Variants in REL observed in about 807,000 individuals in gnomAD.
REL encodes the protein proto-oncogene c-Rel.
In REL, 15 loss-of-function variants were observed where a neutral mutation model predicts 45.9. The ratio of observed to expected loss-of-function variants is 0.33; its 90% CI spans 0.22 to 0.50. The LOEUF (loss-of-function observed/expected upper bound fraction) is 0.50. Ranked by LOEUF, REL falls within the 20% of genes least tolerant of loss-of-function variation. The pLI, the probability that REL is intolerant of heterozygous loss-of-function variation, is 0.98. For missense variants in REL, 601 were observed against 715.2 expected, an observed-to-expected ratio of 0.84 and a Z score of 1.82; for synonymous variants, 239 against 242.1, an observed-to-expected ratio of 0.99 and a Z score of 0.12.
chr2:60,894,977 C>T (rs954360035), intron 3 of REL, among the ~76,000 whole-genome samples: 2 of 151,598 alleles, frequency 1.3e-5, no homozygotes, highest in South Asian at 2.1e-4. Context: ...CTGCCTCAGC[C>T]TCCCGAGTAG....
rs144119768 is a variant in REL at position 60,921,994 on chromosome 2, C to T, written c.1223C>T (p.Ser408Leu). The change falls in exon 10 of 10, where the codon TCG (serine) becomes TTG (leucine). Residue 408 changes from serine (S) to leucine (L), a missense_variant. This residue lies in a region of REL where 334 missense variants were observed against 333.1 expected (regional missense o/e 1.00). Coordinates refer to ENST00000394479, the MANE Select transcript of REL (RefSeq NM_001291746.2). ...SFSTRTLPSN[S>L]QGIPPFLRIP... ...TCAACAAGGACACTTCCTTCTAATT[C>T]GCAAGGTATCCCACCATTCCTGAGA... The T allele has an allele frequency of 1.1e-5, 18 of 1,614,184 alleles. No individual in the cohort carries two copies. The highest frequency in any genetic ancestry group is 3.3e-5 in the Admixed American group (2 of 60,016).
At chr2:60,884,546 G>T (rs1487224048) in intron 1 of REL, among the ~76,000 whole-genome samples, 1 of 151,992 alleles carries the variant, frequency 6.6e-6, no homozygotes, top group East Asian at 1.9e-4. Flanking sequence ...ATAGTAGGCA[G>T]TTGTTGCTTT....
intron 1 of REL, among the ~76,000 whole-genome samples, chr2:60,889,751 A>G (rs1006207410): frequency 3.3e-5 from 5 of 152,020 alleles, no homozygotes; most frequent in African/African-American, 1.2e-4. Context: ...TTCCAGCTTC[A>G]TCTATGTCCC....
chr2:60,910,076 T>G (rs186873935), intron 4 of REL, among the ~76,000 whole-genome samples: 32 of 152,294 alleles, frequency 2.1e-4, no homozygotes, highest in Non-Finnish European at 3.8e-4. Context: ...CATGATAATA[T>G]CTTCTTGGTT....
At chr2:60,911,270 T>C (rs1458631362) in intron 4 of REL, 2 of 152,196 alleles carry the variant, frequency 1.3e-5, no homozygotes, top group Non-Finnish European at 2.9e-5. Flanking sequence ...AAAAGATATA[T>C]AAATGGATTA....
intron 4 of REL, among the ~76,000 whole-genome samples, chr2:60,913,102 A>G (rs564619454): frequency 1.1e-4 from 17 of 152,262 alleles, no homozygotes; most frequent in African/African-American, 3.8e-4. Flanking sequence ...TCAATTTATT[A>G]TATTTTTCAG....
chr2:60,909,637 TCACGC>T (rs1411242868), intron 4 of REL, among the ~76,000 whole-genome samples: 1 of 152,194 alleles, frequency 6.6e-6, no homozygotes, highest in East Asian at 1.9e-4. Context: ...GCGCAGTGGC[TCACGC>T]CTGTAATCCC....
intron 4 of REL, among the ~76,000 whole-genome samples, chr2:60,907,210 G>A (rs898762541): frequency 3.3e-5 from 5 of 150,736 alleles, no homozygotes; most frequent in African/African-American, 4.9e-5. Flanking sequence ...GTGAGCCACC[G>A]CACCCAGCCA....
In REL at chr2:60,923,069, AC is replaced by A. The variant is rs1245312714; in HGVS notation, c.*535del. 1.7e-5 allele frequency: 3 copies of A among 175,178 alleles called. No homozygotes were observed. In the East Asian group the frequency reaches 3.0e-4, roughly 17 times the overall value. 10.9% of individuals were successfully genotyped at this position (175,178 alleles called of 1,614,324 possible). ...AAAAAAAAAAAAACAAAAAAAACACACTTTTTTATATTTCTTTTTATAATGT... is the reference window on the plus strand; with the variant it reads ...AAAAAAAAAAAAACAAAAAAAACACATTTTTTATATTTCTTTTTATAATGT... On this transcript the variant is annotated 3_prime_UTR_variant, in exon 10 of 10. Coordinates refer to ENST00000394479, the MANE Select transcript of REL (RefSeq NM_001291746.2).
At chr2:60,912,134 A>G (rs562029930) in intron 4 of REL, among the ~76,000 whole-genome samples, 1 of 152,260 alleles carries the variant, frequency 6.6e-6, no homozygotes, top group Non-Finnish European at 1.5e-5. Context: ...ACCTCATCAG[A>G]TAGAAGTATT....
At chr2:60,912,934 A>G (rs1185613647) in intron 4 of REL, among the ~76,000 whole-genome samples, 1 of 152,148 alleles carries the variant, frequency 6.6e-6, no homozygotes, top group Non-Finnish European at 1.5e-5. Context: ...ATATACAAAT[A>G]TCAGCTGAAG....
intron 9 of REL, among the ~76,000 whole-genome samples, chr2:60,921,081 C>T (rs1368895246): frequency 6.6e-6 from 1 of 151,462 alleles, no homozygotes; most frequent in Non-Finnish European, 1.5e-5. Context: ...AAAATATTTA[C>T]AATCTGACTT....
chr2:60,901,876 C>T (rs1010054736), intron 4 of REL, among the ~76,000 whole-genome samples: 1 of 152,118 alleles, frequency 6.6e-6, no homozygotes, highest in Non-Finnish European at 1.5e-5. Flanking sequence ...ATTTACTGTT[C>T]AGTGAATTTT....
chr2:60,918,071 A>T, intron 5 of REL, 120 bp from the exon 6 acceptor site: 1 of 624,960 alleles, frequency 1.6e-6, no homozygotes. Flanking sequence ...ATTTAGTGTC[A>T]TTTATCTATA....
chr2:60,906,806 G>T (rs1379071456), intron 4 of REL, among the ~76,000 whole-genome samples: 2 of 148,010 alleles, frequency 1.4e-5, no homozygotes, highest in South Asian at 2.1e-4. Flanking sequence ...CCTTCTCTCT[G>T]TTTTCCCAAA....
chr2:60,917,140 G>A (rs1287412731), intron 5 of REL, 123 bp downstream of exon 5: 2 of 783,436 alleles, frequency 2.6e-6, no homozygotes, highest in African/African-American at 1.8e-5. Flanking sequence ...CCAGACATTA[G>A]AGAAATATAT....
In REL at chr2:60,926,616, C is replaced by T; in HGVS notation, c.*4081C>T. The T allele has an allele frequency of 4.3e-6, 1 of 230,908 alleles. No individual in the cohort carries two copies. The highest frequency in any genetic ancestry group is 1.8e-4 in the South Asian group (1 of 5,510). The allele number at this position is 230,908 out of a possible 1,614,324, so 14.3% of individuals were successfully genotyped here. A position where few individuals can be genotyped will look rare whatever the true frequency, so the allele number is the denominator to read the frequency against. ...CGCCCTCCGATGATCTTATCAGAGC[C>T]CACAGGTTCAGTTTTCTTTCATGCT... is the stretch of plus-strand genomic sequence containing the variant. On this transcript the variant is annotated 3_prime_UTR_variant, in exon 10 of 10. Coordinates refer to ENST00000394479, the MANE Select transcript of REL (RefSeq NM_001291746.2).
chr2:60,903,497 C>T (rs842621), intron 4 of REL, among the ~76,000 whole-genome samples: 13,700 of 151,966 alleles, frequency 0.09, 691 homozygotes, highest in Middle Eastern at 0.13. Flanking sequence ...CCTCAGCCTC[C>T]TAAGTAGCTG....
chr2:60,909,587 C>T (rs1200360468), intron 4 of REL, among the ~76,000 whole-genome samples: 4 of 152,002 alleles, frequency 2.6e-5, no homozygotes, highest in African/African-American at 7.2e-5. Context: ...CCACCATGCC[C>T]GACTGAGACA....
Sources: allele counts gnomAD v4.1 joint callset (sites outside exome capture counted in the v4.1 genomes callset), GRCh38; gene constraint gnomAD v4.1.1; regional missense constraint gnomAD v4.1.1; transcripts MANE v1.5; gene names NCBI Gene and HGNC (gene_info 2026-07-23, HGNC 2026-07-21).